The following HSH2D variants were observed in gnomAD, a reference collection of about 807,000 sequenced individuals.
HSH2D encodes hematopoietic SH2 domain containing, also known as hematopoietic SH2 domain-containing protein.
A neutral mutation model predicts 21.5 loss-of-function variants in HSH2D; 16 were observed. The ratio of observed to expected loss-of-function variants is 0.74; its 90% CI spans 0.50 to 1.13. The LOEUF is 1.13. Ranked by LOEUF, HSH2D falls within the 50% of genes most tolerant of loss-of-function variation. The pLI, the probability that HSH2D is intolerant of heterozygous loss-of-function variation, is 0.00. For synonymous variants in HSH2D, 172 were observed against 184.7 expected (o/e 0.93, Z 0.56); for missense variants, 418 against 441.4 (o/e 0.95, Z 0.47).
chr19:16,143,374 G>A (rs914674821), upstream of HSH2D, among the ~76,000 whole-genome samples: 2 of 152,138 alleles, frequency 1.3e-5, no homozygotes, highest in African/African-American at 4.8e-5. Context: ...GTGAGCCACC[G>A]CACCCGTTCC....
chr19:16,152,905 T>A (rs1268990086), intron 3 of HSH2D, 138 bp from the exon 4 acceptor site: 1 of 1,010,212 alleles, frequency 9.9e-7, no homozygotes, highest in East Asian at 2.6e-5. Flanking sequence ...GGGTGTTGCA[T>A]GGCCAGTGAG....
intron 1 of HSH2D, among the ~76,000 whole-genome samples, chr19:16,135,287 A>C (rs1459184324): frequency 6.6e-6 from 1 of 151,582 alleles, no homozygotes; most frequent in Admixed American, 6.6e-5. Flanking sequence ...AATAAAAAAT[A>C]GTATGGTGGC....
At chr19:16,151,254 G>A (rs1273114104) in intron 2 of HSH2D, among the ~76,000 whole-genome samples, 1 of 150,952 alleles carries the variant, frequency 6.6e-6, no homozygotes, top group Non-Finnish European at 1.5e-5. Flanking sequence ...GAACCTGGGA[G>A]GCAGAGGTTG....
chr19:16,142,358 C>A (rs1329153710), upstream of HSH2D, among the ~76,000 whole-genome samples: 13 of 152,230 alleles, frequency 8.5e-5, no homozygotes, highest in African/African-American at 2.9e-4. Context: ...AGTTAGGTCA[C>A]CTCTGTGGGT....
intron 5 of HSH2D, among the ~76,000 whole-genome samples, chr19:16,156,985 CAA>C (rs1328003602): frequency 1.1e-4 from 14 of 124,972 alleles, no homozygotes; most frequent in Admixed American, 2.4e-4. Flanking sequence ...AACTCCATCT[CAA>C]AAAAAAAAAA....
In HSH2D at chr19:16,157,515, G is replaced by C. The variant is rs200923853; in HGVS notation, c.780G>C (p.Ser260=). 20 of 1,613,912 alleles carry C rather than the reference G, an allele frequency of 1.2e-5. No homozygotes were observed. Among genetic ancestry groups the C allele is most frequent in the Non-Finnish European group, 1.5e-5 (18 of 1,179,866 alleles). Residue 260 remains serine, a synonymous_variant, in exon 6 of 6, where the codon TCG becomes TCC. Transcript: ENST00000613986. The surrounding 1 kb of genome is among the most constrained non-coding windows in gnomAD (Gnocchi z 4.4). ...GSQDHSGDPT[S]GDRGYTDPCV... is the part of the protein sequence containing the mutation. ...AAGATCACTCAGGGGATCCCACCTC[G>C]GGGGACAGAGGCTACACGGATCCCT...
upstream of HSH2D, among the ~76,000 whole-genome samples, chr19:16,141,426 G>A (rs1300133804): frequency 2.6e-5 from 4 of 152,200 alleles, no homozygotes; most frequent in East Asian, 7.7e-4. Context: ...TTGTTTGTCT[G>A]CCTGGGGTAC....
At chr19:16,151,230 C>A (rs1195233236) in intron 2 of HSH2D, among the ~76,000 whole-genome samples, 3 of 148,430 alleles carry the variant, frequency 2.0e-5, no homozygotes, top group Non-Finnish European at 4.4e-5. Context: ...GAGGCTGAGG[C>A]AGGAGAATAG....
At chr19:16,140,822 G>T (rs1290046162), upstream of HSH2D, among the ~76,000 whole-genome samples, 1 of 152,062 alleles carries the variant, frequency 6.6e-6, no homozygotes, top group African/African-American at 2.4e-5. Flanking sequence ...AGGAAGTAGA[G>T]GCTGTGGTGA....
At position 16,152,812 on chromosome 19, in the gene HSH2D, G is replaced by A. The variant is rs988533756; in HGVS notation, c.215+171G>A. On this transcript the variant is annotated intron_variant, in intron 3 of 5. Transcript: ENST00000613986. ...AATGAGTGAAGCTTTTGTCCGTAGT[G>A]GCATGTTTTATCTGAGGCCAGCCTT... 1.4e-5 allele frequency: 11 copies of A among 759,720 alleles called. No homozygotes were observed. In the African/African-American group the frequency reaches 1.9e-4, roughly 13 times the overall value. The allele number at this position is 759,720 out of a possible 1,614,324, so 47.1% of individuals were successfully genotyped here.
upstream of HSH2D, among the ~76,000 whole-genome samples, chr19:16,138,870 T>A (rs189021034): frequency 6.6e-6 from 1 of 151,880 alleles, no homozygotes; most frequent in East Asian, 1.9e-4. Context: ...TCTTGCCTTT[T>A]TTTTTTGAGA....
rs1186733396 is a variant in HSH2D at position 16,157,514 on chromosome 19, C to CG, written c.784dup (p.Asp262GlyfsTer40). The CG allele has an allele frequency of 6.2e-7, 1 of 1,613,962 alleles. No homozygotes were observed. The highest frequency in any genetic ancestry group is 1.7e-5 in the Admixed American group (1 of 59,986). ...CAAGATCACTCAGGGGATCCCACCT[C>CG]GGGGGACAGAGGCTACACGGATCCC... On this transcript the variant is annotated frameshift_variant, in exon 6 of 6. Coordinates refer to ENST00000613986, the MANE Select transcript of HSH2D (RefSeq NM_001382417.1). LOFTEE classifies it low-confidence loss of function (END_TRUNC). This position sits in a 1 kb window ranked among gnomAD's most constrained non-coding sequence, Gnocchi z 4.4.
Position 16,148,923 on chromosome 19 carries a change from T to G in HSH2D, c.125+48T>G, listed in dbSNP as rs765550217. 4 of 1,555,810 alleles carry G rather than the reference T, an allele frequency of 2.6e-6. No homozygotes were observed. The African/African-American group carries it at 5.5e-5, about 21-fold the overall frequency. ...CACCCTGCCCTCCCCACCCTGTCCTTGTCTGTCCCTACCCTGGGCAGCTTT... is the reference window on the plus strand; with the variant it reads ...CACCCTGCCCTCCCCACCCTGTCCTGGTCTGTCCCTACCCTGGGCAGCTTT... On this transcript the variant is annotated intron_variant, in intron 2 of 5. Transcript: ENST00000613986.
rs527626203 is a variant in HSH2D at position 16,157,427 on chromosome 19, C to A, written c.692C>A (p.Ser231Ter). 4 of 1,613,828 alleles carry A rather than the reference C, an allele frequency of 2.5e-6. No individual in the cohort carries two copies. Among genetic ancestry groups the A allele is most frequent in the African/African-American group, 1.3e-5 (1 of 74,992 alleles). The change falls in exon 6 of 6, where the codon TCG becomes TAG. Residue 231 changes from serine to a stop codon, truncating the protein, a stop_gained. Coordinates refer to ENST00000613986, the MANE Select transcript of HSH2D (RefSeq NM_001382417.1). LOFTEE classifies it low-confidence loss of function (END_TRUNC). This position sits in a 1 kb window ranked among gnomAD's most constrained non-coding sequence, Gnocchi z 4.4. Reference protein sequence around the residue: ...LKSHLATVNLSSLLDVRRSTV... With the variant: ...LKSHLATVNL ...AGCCACCTCGCCACTGTGAACTTGTCGTCACTCTTGGATGTCCGGAGATCC... is the reference window on the plus strand; with the variant it reads ...AGCCACCTCGCCACTGTGAACTTGTAGTCACTCTTGGATGTCCGGAGATCC...
Position 16,148,813 on chromosome 19 carries a change from C to T in HSH2D, c.63C>T (p.Thr21=), listed in dbSNP as rs8103852. 126,190 of 1,613,634 alleles carry T rather than the reference C, an allele frequency of 0.078. 7,615 individuals are homozygous for T. Among genetic ancestry groups the T allele is most frequent in the African/African-American group, 0.31 (23,537 of 74,916 alleles). The change falls in exon 2 of 6, where the codon ACC becomes ACT. Residue 21 remains threonine (T), a synonymous_variant. Coordinates refer to ENST00000613986, the MANE Select transcript of HSH2D (RefSeq NM_001382417.1). Reference sequence around the variant, plus strand: ...CACGGCTGGACTGGTTTGTGCACACCCAGATGGGCCAGCTGGCCCAAGACG... The same window carrying T: ...CACGGCTGGACTGGTTTGTGCACACTCAGATGGGCCAGCTGGCCCAAGACG... ...LPPRLDWFVH[T]QMGQLAQDGV...
chr19:16,150,672 C>G (rs2091135795), intron 2 of HSH2D, among the ~76,000 whole-genome samples: 1 of 140,568 alleles, frequency 7.1e-6, no homozygotes, highest in South Asian at 2.3e-4. Flanking sequence ...GGTGACAGAG[C>G]AAGATTCCAG....
At chr19:16,149,278 C>T (rs575626424) in intron 2 of HSH2D, among the ~76,000 whole-genome samples, 2 of 152,112 alleles carry the variant, frequency 1.3e-5, no homozygotes, top group African/African-American at 4.8e-5. Flanking sequence ...TCTTGGCTCA[C>T]TGCAACCTCT....
intron 2 of HSH2D, among the ~76,000 whole-genome samples, chr19:16,151,121 C>T (rs1216863490): frequency 1.3e-5 from 2 of 151,972 alleles, no homozygotes; most frequent in African/African-American, 2.4e-5. Flanking sequence ...GTCAGGAGCT[C>T]GAGACCAGCC....
chr19:16,147,384 T>C (rs2091086042), intron 1 of HSH2D, among the ~76,000 whole-genome samples: 1 of 149,550 alleles, frequency 6.7e-6, no homozygotes, highest in Non-Finnish European at 1.5e-5. Context: ...CTTGGGGGAC[T>C]GAGGTGGGAG....
Sources: allele counts gnomAD v4.1 joint callset (sites outside exome capture counted in the v4.1 genomes callset), GRCh38; gene constraint gnomAD v4.1.1; non-coding constraint Gnocchi (gnomAD v3.1); transcripts MANE v1.5; gene names NCBI Gene and HGNC (gene_info 2026-07-23, HGNC 2026-07-21).